PHTF2: variants seen among roughly 807,000 people sequenced by gnomAD.
PHTF2 encodes putative homeodomain transcription factor 2, also known as protein PHTF2.
PHTF2 carries 60 observed loss-of-function variants against 101.2 expected under a neutral mutation model. That is an observed-to-expected ratio of 0.59 (90% CI 0.48 to 0.73). The LOEUF is 0.73. Among genes scored for constraint, PHTF2 ranks in the 30% least tolerant of loss-of-function variants. PHTF2 has a pLI of 0.00. For synonymous variants in PHTF2, 311 were observed against 307.3 expected, an observed-to-expected ratio of 1.01 and a Z score of -0.13; for missense variants, 747 against 908.7, an observed-to-expected ratio of 0.82 and a Z score of 2.29.
At chr7:77,921,575 C>T (rs1156552183) in intron 10 of PHTF2, among the ~76,000 whole-genome samples, 1 of 152,188 alleles carries the variant, frequency 6.6e-6, no homozygotes, top group Non-Finnish European at 1.5e-5. Context: ...CATAGAAGAG[C>T]ATGGGCCTGC....
chr7:77,886,844 G>A (rs1211467904), intron 3 of PHTF2, among the ~76,000 whole-genome samples: 1 of 152,012 alleles, frequency 6.6e-6, no homozygotes, highest in African/African-American at 2.4e-5. Flanking sequence ...AAGAGTTCAA[G>A]GCCACATAGG....
chr7:77,955,026 T>C, exon 20 of PHTF2: 1 of 391,578 alleles, frequency 2.6e-6, no homozygotes, highest in Admixed American at 4.5e-5. Context: ...AATTCTTATA[T>C]TTATTTTACT....
chr7:77,851,331 T>G (rs1050306040), intron 2 of PHTF2, among the ~76,000 whole-genome samples: 2 of 152,180 alleles, frequency 1.3e-5, no homozygotes, highest in Non-Finnish European at 2.9e-5. Flanking sequence ...GGTGCAGTTT[T>G]GGTAGCTTGT....
At chr7:77,904,550 C>T (rs1320226473) in intron 7 of PHTF2, among the ~76,000 whole-genome samples, 1 of 152,146 alleles carries the variant, frequency 6.6e-6, no homozygotes, top group African/African-American at 2.4e-5. Context: ...GAGGCAATGT[C>T]AGAGTTGGTG....
At chr7:77,884,893 C>T (rs953943252) in intron 3 of PHTF2, among the ~76,000 whole-genome samples, 1 of 135,918 alleles carries the variant, frequency 7.4e-6, no homozygotes, top group Non-Finnish European at 1.6e-5. Context: ...AGCGAGACTT[C>T]GTCTCAAAAT....
intron 18 of PHTF2, among the ~76,000 whole-genome samples, chr7:77,952,299 C>T (rs1806619933): frequency 6.6e-6 from 1 of 151,844 alleles, no homozygotes; most frequent in Non-Finnish European, 1.5e-5. Flanking sequence ...ACTTCTATAA[C>T]CAATTGAATA....
intron 3 of PHTF2, among the ~76,000 whole-genome samples, chr7:77,869,632 C>T (rs1315275034): frequency 1.3e-5 from 2 of 152,088 alleles, no homozygotes; most frequent in Non-Finnish European, 2.9e-5. Flanking sequence ...TTTAAGGAAC[C>T]TTCATACTGT....
intron 12 of PHTF2, among the ~76,000 whole-genome samples, chr7:77,932,069 C>A (rs912651810): frequency 6.6e-6 from 1 of 152,020 alleles, no homozygotes; most frequent in Non-Finnish European, 1.5e-5. Flanking sequence ...CTATTGCACT[C>A]CAGCCTGAGC....
intron 2 of PHTF2, among the ~76,000 whole-genome samples, chr7:77,852,844 C>T (rs937639771): frequency 6.6e-6 from 1 of 151,968 alleles, no homozygotes; most frequent in African/African-American, 2.4e-5. Flanking sequence ...GATATTTTTC[C>T]TGGATATACT....
intron 9 of PHTF2, among the ~76,000 whole-genome samples, chr7:77,916,672 CT>C (rs2150897325): frequency 6.6e-6 from 1 of 152,232 alleles, no homozygotes; most frequent in African/African-American, 2.4e-5. Flanking sequence ...ATACCAACCT[CT>C]GAGGATGCTC....
chr7:77,916,338 C>A (rs776256575), intron 9 of PHTF2, among the ~76,000 whole-genome samples: 1 of 152,140 alleles, frequency 6.6e-6, no homozygotes, highest in African/African-American at 2.4e-5. Context: ...GTCTCAGTAA[C>A]CTGTGTTCCT....
chr7:77,877,120 T>G (rs534269511), intron 3 of PHTF2, among the ~76,000 whole-genome samples: 37 of 151,116 alleles, frequency 2.4e-4, no homozygotes, highest in African/African-American at 8.0e-4. Context: ...TCTCTCTTTT[T>G]TTTTTTTTTT....
chr7:77,848,194 T>C (rs1442345379), intron 2 of PHTF2, among the ~76,000 whole-genome samples: 1 of 152,234 alleles, frequency 6.6e-6, no homozygotes, highest in African/African-American at 2.4e-5. Flanking sequence ...CTCTTCAGTA[T>C]ACTAATTTCC....
chr7:77,936,727 G>T (rs188361008), intron 12 of PHTF2, among the ~76,000 whole-genome samples: 177 of 151,588 alleles, frequency 1.2e-3, no homozygotes, highest in African/African-American at 4.2e-3. Context: ...TAGAAATACT[G>T]CAATATAAAC....
chr7:77,864,301 T>G (rs1356685645), intron 3 of PHTF2, among the ~76,000 whole-genome samples: 1 of 152,228 alleles, frequency 6.6e-6, no homozygotes, highest in African/African-American at 2.4e-5. Context: ...CTACCTTCAT[T>G]ACTCTTTCAT....
chr7:77,872,473 C>T (rs1011381132), intron 3 of PHTF2, among the ~76,000 whole-genome samples: 1 of 152,192 alleles, frequency 6.6e-6, no homozygotes, highest in Non-Finnish European at 1.5e-5. Flanking sequence ...TGCCAGAGCT[C>T]TACATGAGTC....
chr7:77,859,564 CTTTTT>C (rs34014317), intron 3 of PHTF2, among the ~76,000 whole-genome samples: 1 of 131,628 alleles, frequency 7.6e-6, no homozygotes. Context: ...TTTCTTTCTT[CTTTTT>C]TTTTTTTTTT....
chr7:77,928,788 G>A (rs1483008950), intron 11 of PHTF2, among the ~76,000 whole-genome samples: 23 of 152,186 alleles, frequency 1.5e-4, no homozygotes, highest in Non-Finnish European at 2.9e-5. Flanking sequence ...CGTGCAGACC[G>A]TATGAACTTA....
intron 7 of PHTF2, among the ~76,000 whole-genome samples, chr7:77,907,310 A>G (rs1259431365): frequency 2.0e-5 from 3 of 152,100 alleles, no homozygotes; most frequent in Non-Finnish European, 2.9e-5. Flanking sequence ...ATTTGTTTTC[A>G]TGATACTCTT....
Sources: gnomAD v4.1 joint callset for allele counts (sites outside exome capture counted in the v4.1 genomes callset) on GRCh38, gnomAD v4.1.1 for gene constraint, MANE v1.5 for transcripts, NCBI Gene and HGNC (gene_info 2026-07-23, HGNC 2026-07-21) for gene names.